Variants in ANGPT1 observed in about 807,000 individuals in gnomAD.
ANGPT1 encodes the protein angiopoietin 1.
Under a neutral mutation model 62.2 loss-of-function variants are expected in ANGPT1, and 17 were observed. The observed-to-expected ratio is 0.27, with a 90% CI of 0.19 to 0.41. ANGPT1 has a LOEUF of 0.41. ANGPT1 is among the 10% of genes least tolerant of loss of function. ANGPT1 has a pLI of 1.00. For missense variants in ANGPT1, 478 were observed against 594.9 expected, an observed-to-expected ratio of 0.80 and a Z score of 2.04; for synonymous variants, 199 against 198.9, an observed-to-expected ratio of 1.00 and a Z score of 0.00.
intron 1 of ANGPT1, among the ~76,000 whole-genome samples, chr8:107,395,359 A>G (rs1816915119): frequency 2.0e-5 from 3 of 152,164 alleles, no homozygotes; most frequent in South Asian, 4.1e-4. Flanking sequence ...TATCACCTTG[A>G]GTATTATTTC....
At chr8:107,292,352 A>G (rs1814299364) in intron 6 of ANGPT1, among the ~76,000 whole-genome samples, 1 of 152,168 alleles carries the variant, frequency 6.6e-6, no homozygotes. Context: ...AACATGGCAG[A>G]CACCAGTGAG....
At chr8:107,289,478 T>C (rs2130160188) in intron 6 of ANGPT1, among the ~76,000 whole-genome samples, 1 of 152,258 alleles carries the variant, frequency 6.6e-6, no homozygotes, top group Admixed American at 6.5e-5. Flanking sequence ...ACACAAATTA[T>C]TTAAAAAATA....
At chr8:107,443,121 T>A (rs1483686240) in intron 1 of ANGPT1, among the ~76,000 whole-genome samples, 1 of 152,200 alleles carries the variant, frequency 6.6e-6, no homozygotes, top group East Asian at 1.9e-4. Flanking sequence ...TCCATCAGAA[T>A]ATCTACATAA....
chr8:107,438,090 C>T (rs1445443597), intron 1 of ANGPT1, among the ~76,000 whole-genome samples: 1 of 152,160 alleles, frequency 6.6e-6, no homozygotes, highest in Non-Finnish European at 1.5e-5. Flanking sequence ...CTTAACCCTC[C>T]ACAATGTTAC....
At chr8:107,474,670 G>T (rs199760840) in intron 1 of ANGPT1, among the ~76,000 whole-genome samples, 2 of 152,030 alleles carry the variant, frequency 1.3e-5, no homozygotes, top group Non-Finnish European at 2.9e-5. Flanking sequence ...GACATGATTG[G>T]ATATCTAGAA....
chr8:107,466,818 A>G (rs1182468546), intron 1 of ANGPT1, among the ~76,000 whole-genome samples: 4 of 152,100 alleles, frequency 2.6e-5, no homozygotes, highest in Admixed American at 6.6e-5. Flanking sequence ...AGGCTGAGAT[A>G]AGAGAATTGC....
chr8:107,391,070 G>A (rs543077782), intron 1 of ANGPT1, among the ~76,000 whole-genome samples: 4 of 152,056 alleles, frequency 2.6e-5, no homozygotes, highest in Non-Finnish European at 5.9e-5. Context: ...CAGTTACTAG[G>A]TACTATTGCA....
At chr8:107,280,868 T>C (rs988963500) in intron 7 of ANGPT1, among the ~76,000 whole-genome samples, 3 of 152,076 alleles carry the variant, frequency 2.0e-5, no homozygotes, top group African/African-American at 7.2e-5. Context: ...AAGATATATA[T>C]GAGAGTATGA....
At chr8:107,317,653 C>CAA (rs1815049706) in intron 4 of ANGPT1, among the ~76,000 whole-genome samples, 2 of 143,404 alleles carry the variant, frequency 1.4e-5, no homozygotes. Context: ...TTTTTTGAGA[C>CAA]AGAGTCTTAC....
intron 1 of ANGPT1, among the ~76,000 whole-genome samples, chr8:107,454,919 C>T (rs1387618078): frequency 6.6e-6 from 1 of 152,156 alleles, no homozygotes; most frequent in East Asian, 1.9e-4. Context: ...CTAGGGTGTA[C>T]TTCCTCAAAA....
intron 7 of ANGPT1, among the ~76,000 whole-genome samples, chr8:107,276,659 A>G (rs926368994): frequency 3.9e-5 from 6 of 152,084 alleles, no homozygotes; most frequent in Non-Finnish European, 5.9e-5. Flanking sequence ...GGAACTGGAA[A>G]GAACTTCAGC....
chr8:107,375,183 G>GA (rs1402078814), intron 1 of ANGPT1, among the ~76,000 whole-genome samples: 3 of 146,778 alleles, frequency 2.0e-5, no homozygotes, highest in African/African-American at 7.5e-5. Flanking sequence ...ACAAACAAAC[G>GA]AAAAAAACTA....
chr8:107,470,453 C>G (rs1375942861), intron 1 of ANGPT1, among the ~76,000 whole-genome samples: 1 of 149,456 alleles, frequency 6.7e-6, no homozygotes, highest in African/African-American at 2.5e-5. Flanking sequence ...CCTCAGTGAC[C>G]TGGCAAATTC....
intron 1 of ANGPT1, among the ~76,000 whole-genome samples, chr8:107,446,219 T>G (rs1811615190): frequency 6.6e-6 from 1 of 152,208 alleles, no homozygotes; most frequent in African/African-American, 2.4e-5. Flanking sequence ...GCCCGGCCAA[T>G]AGTGTATATT....
chr8:107,276,216 T>G (rs1813862793), intron 7 of ANGPT1, among the ~76,000 whole-genome samples: 1 of 152,116 alleles, frequency 6.6e-6, no homozygotes, highest in Non-Finnish European at 1.5e-5. Context: ...ACAGTCTAAA[T>G]AAAAGTAATG....
intron 4 of ANGPT1, among the ~76,000 whole-genome samples, chr8:107,310,952 T>C (rs1005138174): frequency 5.0e-5 from 4 of 79,626 alleles, no homozygotes; most frequent in Non-Finnish European, 1.2e-4. Context: ...TGTGTGTGTA[T>C]GTATGTGTGT....
chr8:107,464,945 A>C (rs896932498), intron 1 of ANGPT1, among the ~76,000 whole-genome samples: 1 of 152,138 alleles, frequency 6.6e-6, no homozygotes, highest in Non-Finnish European at 1.5e-5. Flanking sequence ...GGGATCAAGA[A>C]GGTTTTCCAG....
intron 1 of ANGPT1, among the ~76,000 whole-genome samples, chr8:107,379,380 G>A (rs990310858): frequency 1.3e-5 from 2 of 152,084 alleles, no homozygotes; most frequent in African/African-American, 4.8e-5. Flanking sequence ...ACTCCATAAG[G>A]CTGCCTTGAC....
At chr8:107,272,701 GAC>G (rs1415339441) in intron 7 of ANGPT1, among the ~76,000 whole-genome samples, 1 of 150,812 alleles carries the variant, frequency 6.6e-6, no homozygotes, top group East Asian at 1.9e-4. Context: ...CAATAGTGCT[GAC>G]AGAGTGCTCT....
Sources: allele counts gnomAD v4.1 joint callset (sites outside exome capture counted in the v4.1 genomes callset), GRCh38; gene constraint gnomAD v4.1.1; transcripts MANE v1.5; gene names NCBI Gene and HGNC (gene_info 2026-07-23, HGNC 2026-07-21).